MECOM: variants seen among roughly 807,000 people sequenced by gnomAD.
MECOM encodes MDS1 and EVI1 complex locus, also known as histone-lysine N-methyltransferase MECOM.
MECOM carries 13 observed loss-of-function variants against 116.3 expected under a neutral mutation model. The observed-to-expected ratio is 0.11, with a 90% confidence interval of 0.07 to 0.18. The LOEUF (loss-of-function observed/expected upper bound fraction) is 0.18. Ranked by LOEUF, MECOM falls within the 10% of genes least tolerant of loss-of-function variation. The pLI is 1.00. For missense variants in MECOM, 1,299 were observed against 1,509.0 expected, an observed-to-expected ratio of 0.86 and a Z score of 2.31; for synonymous variants, 528 against 535.2, an observed-to-expected ratio of 0.99 and a Z score of 0.19.
intron 1 of MECOM, among the ~76,000 whole-genome samples, chr3:169,600,078 T>C (rs1767646681): frequency 6.6e-6 from 1 of 152,024 alleles, no homozygotes; most frequent in African/African-American, 2.4e-5. Flanking sequence ...CTCAAGCCAT[T>C]CTCGTGCCTC....
intron 1 of MECOM, among the ~76,000 whole-genome samples, chr3:169,509,249 GTGA>G (rs774656006): frequency 7.2e-5 from 11 of 152,194 alleles, no homozygotes; most frequent in Non-Finnish European, 1.2e-4. Flanking sequence ...CTTCCCTGAT[GTGA>G]TGATTGATGT....
At chr3:169,184,001 A>G (rs1479653051) in intron 2 of MECOM, among the ~76,000 whole-genome samples, 2 of 151,740 alleles carry the variant, frequency 1.3e-5, no homozygotes, top group East Asian at 1.9e-4. Flanking sequence ...AATAGCTGGG[A>G]CTACAGGCAC....
intron 2 of MECOM, among the ~76,000 whole-genome samples, chr3:169,158,629 T>C (rs571973082): frequency 2.0e-5 from 3 of 152,286 alleles, no homozygotes; most frequent in Non-Finnish European, 2.9e-5. Flanking sequence ...CCTCTGGTGC[T>C]CGGCCGAAGC....
intron 1 of MECOM, among the ~76,000 whole-genome samples, chr3:169,634,762 T>C (rs1388743520): frequency 9.2e-5 from 14 of 152,024 alleles, no homozygotes; most frequent in Non-Finnish European, 7.4e-5. Flanking sequence ...TAAATTACTC[T>C]TAAATCACTC....
chr3:169,663,711 G>A lies in MECOM; in HGVS notation c.-339C>T. 8.8e-6 allele frequency: 3 copies of A among 339,036 alleles called. No individual in the cohort carries two copies. In the East Asian group the frequency reaches 1.3e-4, roughly 15 times the overall value. 21.0% of individuals were successfully genotyped at this position (339,036 alleles called of 1,614,324 possible). A position where few individuals can be genotyped will look rare whatever the true frequency, so the allele number is the denominator to read the frequency against. ...CGCTAGACGCCCCTCCAACATCTCA[G>A]CGCCGCCAAAAAAAGTTTGGAGCGA... On this transcript the variant is annotated 5_prime_UTR_variant, in exon 1 of 17. Transcript: ENST00000651503.
intron 15 of MECOM, 50 bp downstream of exon 15, chr3:169,089,950 G>A (rs751417924): frequency 1.3e-5 from 20 of 1,566,180 alleles, no homozygotes; most frequent in Middle Eastern, 1.7e-4. Context: ...AATTGCAACC[G>A]TACATGGATC....
At chr3:169,115,216 CA>C (rs1440581126) in intron 8 of MECOM, among the ~76,000 whole-genome samples, 166 bp downstream of exon 8, 2 of 152,118 alleles carry the variant, frequency 1.3e-5, no homozygotes, top group Non-Finnish European at 2.9e-5. Context: ...TAAGTTCAAA[CA>C]GAATGATCCA....
intron 1 of MECOM, among the ~76,000 whole-genome samples, chr3:169,384,075 A>G (rs1028158730): frequency 1.3e-5 from 2 of 152,192 alleles, no homozygotes; most frequent in East Asian, 3.8e-4. Context: ...TTTAATGTGT[A>G]TGATTGTTTC....
intron 2 of MECOM, among the ~76,000 whole-genome samples, chr3:169,183,545 T>A (rs985086421): frequency 1.3e-5 from 2 of 152,094 alleles, no homozygotes; most frequent in African/African-American, 4.8e-5. Context: ...CTGAAAAATG[T>A]TCTTTGGCTT....
chr3:169,512,846 C>T (rs1578310233), intron 1 of MECOM, among the ~76,000 whole-genome samples: 1 of 152,278 alleles, frequency 6.6e-6, no homozygotes, highest in African/African-American at 2.4e-5. Flanking sequence ...TCAACACTTT[C>T]ATCACCAGGA....
chr3:169,472,949 G>T (rs574814835), intron 1 of MECOM: 13 of 982,122 alleles, frequency 1.3e-5, no homozygotes, highest in South Asian at 4.7e-5. Context: ...CCCCTACTTT[G>T]TCCCTACCTG....
At chr3:169,591,569 TTCTG>T (rs1358656417) in intron 1 of MECOM, among the ~76,000 whole-genome samples, 2 of 152,202 alleles carry the variant, frequency 1.3e-5, no homozygotes, top group African/African-American at 2.4e-5. Flanking sequence ...GAATGGCCTC[TTCTG>T]TCTGAGTCCA....
intron 1 of MECOM, among the ~76,000 whole-genome samples, chr3:169,640,877 G>A (rs1253601776): frequency 6.6e-6 from 1 of 152,184 alleles, no homozygotes; most frequent in South Asian, 2.1e-4. Context: ...CCAAGGTTAT[G>A]TCACCCTCCC....
chr3:169,428,654 C>T (rs139411080), intron 1 of MECOM, among the ~76,000 whole-genome samples: 2 of 152,328 alleles, frequency 1.3e-5, no homozygotes, highest in African/African-American at 4.8e-5. Context: ...AGAATATGCT[C>T]ATGAGGTCAT....
rs1417273846 is a variant in MECOM at position 169,175,093 on chromosome 3, A to T, written c.376-31261T>A. On this transcript the variant is annotated intron_variant, in intron 2 of 16. Transcript: ENST00000651503. ...TCTGTTGCTTTCTGTTTCTAGCTCTACAATTTTCAAGTTACCCAACTCACA... is the reference window on the plus strand; with the variant it reads ...TCTGTTGCTTTCTGTTTCTAGCTCTTCAATTTTCAAGTTACCCAACTCACA... 9.2e-5 allele frequency among the ~76,000 whole-genome samples: 14 copies of T among 152,164 alleles called. No individual in the cohort carries two copies. In the East Asian group the frequency reaches 2.7e-3, roughly 29 times the overall value.
At chr3:169,424,374 C>G (rs757601131) in intron 1 of MECOM, among the ~76,000 whole-genome samples, 6 of 152,108 alleles carry the variant, frequency 3.9e-5, no homozygotes, top group Admixed American at 3.9e-4. Context: ...TTCAGGGAAG[C>G]TTTCAAAGTT....
intron 2 of MECOM, among the ~76,000 whole-genome samples, chr3:169,214,637 G>A (rs1001480401): frequency 6.6e-6 from 1 of 151,432 alleles, no homozygotes; most frequent in Non-Finnish European, 1.5e-5. Flanking sequence ...TTTAAATGTT[G>A]CAGTAGATGA....
chr3:169,337,638 T>G (rs1172596460), intron 2 of MECOM, among the ~76,000 whole-genome samples: 1 of 152,092 alleles, frequency 6.6e-6, no homozygotes, highest in East Asian at 1.9e-4. Flanking sequence ...ATGGACAAAG[T>G]CCCTGTCTTC....
At chr3:169,112,728 G>T in intron 9 of MECOM, 59 bp downstream of exon 9, 1 of 1,306,512 alleles carries the variant, frequency 7.7e-7, no homozygotes, top group Admixed American at 1.8e-5. Context: ...CATTGCACCT[G>T]CTTTTCAGGA....
Sources: gnomAD v4.1 joint callset for allele counts (sites outside exome capture counted in the v4.1 genomes callset) on GRCh38, gnomAD v4.1.1 for gene constraint, MANE v1.5 for transcripts, NCBI Gene and HGNC (gene_info 2026-07-23, HGNC 2026-07-21) for gene names.